The following R3HDM2 variants were observed in gnomAD, a reference collection of about 807,000 sequenced individuals.
The protein encoded by R3HDM2 is R3H domain-containing protein 2.
A neutral mutation model predicts 124.5 loss-of-function variants in R3HDM2; 38 were observed. The ratio of observed to expected loss-of-function variants is 0.31; its 90% confidence interval spans 0.24 to 0.40. The LOEUF is 0.40. Among genes scored for constraint, R3HDM2 ranks in the 10% least tolerant of loss-of-function variants. The pLI is 1.00. For missense variants in R3HDM2, 869 were observed against 1,236.9 expected (o/e 0.70, Z 4.46); for synonymous variants, 391 against 448.0 (o/e 0.87, Z 1.61).
At chr12:57,319,550 G>A (rs1344711561) in intron 2 of R3HDM2, among the ~76,000 whole-genome samples, 1 of 152,082 alleles carries the variant, frequency 6.6e-6, no homozygotes, top group Admixed American at 6.6e-5. Flanking sequence ...CCTTCTGTGC[G>A]AGTCATAAAG....
chr12:57,377,979 G>A (rs943819862), intron 2 of R3HDM2, among the ~76,000 whole-genome samples: 11 of 152,096 alleles, frequency 7.2e-5, no homozygotes, highest in African/African-American at 2.4e-4. Flanking sequence ...TCCCAGCTAC[G>A]CGGGAGGCTG....
chr12:57,256,292 G>C (rs1040943886), intron 22 of R3HDM2, 122 bp downstream of exon 22: 4 of 949,790 alleles, frequency 4.2e-6, no homozygotes, highest in Admixed American at 5.2e-5. Context: ...GTAGGGCAAG[G>C]CTCCTGCTTT....
At chr12:57,350,591 C>T (rs2060580571) in intron 2 of R3HDM2, among the ~76,000 whole-genome samples, 1 of 152,042 alleles carries the variant, frequency 6.6e-6, no homozygotes, top group South Asian at 2.1e-4. Flanking sequence ...TATGATTGTA[C>T]CACTGCACTC....
intron 2 of R3HDM2, among the ~76,000 whole-genome samples, chr12:57,385,690 C>A (rs1416039551): frequency 6.7e-6 from 1 of 148,994 alleles, no homozygotes; most frequent in African/African-American, 2.5e-5. Flanking sequence ...AGGACCCCGT[C>A]TTCAAAAAAA....
chr12:57,386,475 A>G (rs1488230271), intron 2 of R3HDM2, among the ~76,000 whole-genome samples: 2 of 152,186 alleles, frequency 1.3e-5, no homozygotes, highest in African/African-American at 4.8e-5. Context: ...GCTGTGCTCG[A>G]CTTCTTGCCG....
At chr12:57,280,229 TG>T in intron 14 of R3HDM2, 128 bp downstream of exon 14, 2 of 976,536 alleles carry the variant, frequency 2.0e-6, no homozygotes, top group Non-Finnish European at 2.9e-6. Flanking sequence ...AAATGAGAAA[TG>T]GGGGAGAGAG....
intron 2 of R3HDM2, among the ~76,000 whole-genome samples, chr12:57,342,944 T>C (rs1016623784): frequency 7.2e-5 from 11 of 152,132 alleles, no homozygotes; most frequent in Non-Finnish European, 1.5e-5. Flanking sequence ...TTCCTATTAT[T>C]TGCCCCCAAA....
Position 57,296,439 on chromosome 12 carries a change from T to C in R3HDM2, c.673A>G (p.Ile225Val), listed in dbSNP as rs758859097. 6.1e-5 allele frequency: 95 copies of C among 1,552,306 alleles called. No homozygotes were observed. The highest frequency in any genetic ancestry group is 2.7e-4 in the Admixed American group (14 of 51,006). Reference protein sequence around the residue: ...HNVDQTGKAVIINKTSNTRIP... With the variant: ...HNVDQTGKAVVINKTSNTRIP... ...CTTGTGTTACTAGTTTTGTTGATGATGACAGCTTTCCCAGTTTGATCAACA... is the reference window on the plus strand; with the variant it reads ...CTTGTGTTACTAGTTTTGTTGATGACGACAGCTTTCCCAGTTTGATCAACA... Residue 225 changes from isoleucine (I) to valine (V), a missense_variant, in exon 9 of 24, where the codon ATC becomes GTC. Ile to Val is a conservative substitution (Grantham distance 29). Coordinates refer to ENST00000402412, the MANE Select transcript of R3HDM2 (RefSeq NM_001394031.1). The surrounding 1 kb of genome is among the most constrained non-coding windows in gnomAD (Gnocchi z 4.5).
chr12:57,346,111 C>T (rs1324102149), intron 2 of R3HDM2, among the ~76,000 whole-genome samples: 4 of 146,426 alleles, frequency 2.7e-5, no homozygotes, highest in African/African-American at 5.2e-5. Context: ...GAGCCAAGAT[C>T]GTGCCATTGC....
chr12:57,390,495 C>T (rs2066504985), intron 2 of R3HDM2, among the ~76,000 whole-genome samples: 2 of 151,534 alleles, frequency 1.3e-5, no homozygotes, highest in Admixed American at 1.3e-4. Context: ...CTCAGGAGTT[C>T]AAGACCAGCT....
chr12:57,413,236 G>A (rs1344183360), intron 1 of R3HDM2, among the ~76,000 whole-genome samples: 1 of 152,010 alleles, frequency 6.6e-6, no homozygotes, highest in Non-Finnish European at 1.5e-5. Context: ...AATCTTCTGT[G>A]CAATATCCCA....
intron 1 of R3HDM2, among the ~76,000 whole-genome samples, chr12:57,420,519 C>CTT (rs759872645): frequency 1.4e-4 from 17 of 124,906 alleles, no homozygotes; most frequent in East Asian, 1.1e-3. Flanking sequence ...TACTGGTTTT[C>CTT]TTTTTTTTTT....
chr12:57,337,025 C>T (rs938144625), intron 2 of R3HDM2, among the ~76,000 whole-genome samples: 1 of 152,042 alleles, frequency 6.6e-6, no homozygotes, highest in Non-Finnish European at 1.5e-5. Flanking sequence ...TCCAAGGGAC[C>T]CACACAGCAG....
chr12:57,346,734 G>A (rs1432110701), intron 2 of R3HDM2, among the ~76,000 whole-genome samples: 2 of 152,080 alleles, frequency 1.3e-5, no homozygotes, highest in African/African-American at 4.8e-5. Flanking sequence ...AACATAAATG[G>A]TAAATATTTG....
In R3HDM2 at chr12:57,254,618, G is replaced by T; in HGVS notation, c.*155C>A. The T allele has an allele frequency of 1.5e-6, 1 of 665,038 alleles. No homozygotes were observed. The highest frequency in any genetic ancestry group is 2.4e-6 in the Non-Finnish European group (1 of 410,634). 41.2% of individuals were successfully genotyped at this position (665,038 alleles called of 1,614,324 possible). A position where few individuals can be genotyped will look rare whatever the true frequency, so the allele number is the denominator to read the frequency against. On this transcript the variant is annotated 3_prime_UTR_variant, in exon 24 of 24. Transcript: ENST00000402412. ...GAGCAAGAAGGAGTCCAATGCCAGT[G>T]TAGGTATCTGTGTTTCCATCTTCAT...
chr12:57,416,930 T>C (rs1029852976), intron 1 of R3HDM2, among the ~76,000 whole-genome samples: 1 of 151,072 alleles, frequency 6.6e-6, no homozygotes, highest in Non-Finnish European at 1.5e-5. Flanking sequence ...GCCAACATGG[T>C]GAAACCCCAT....
intron 2 of R3HDM2, among the ~76,000 whole-genome samples, chr12:57,362,167 A>G (rs1303479915): frequency 6.6e-6 from 1 of 152,102 alleles, no homozygotes; most frequent in Non-Finnish European, 1.5e-5. Context: ...ATAAATTGTG[A>G]CTATTTCTGT....
Position 57,358,925 on chromosome 12 carries a change from C to CTT in R3HDM2, c.-36+36822_-36+36823dup, listed in dbSNP as rs567382472. Among the ~76,000 whole-genome samples, 30 of 144,570 alleles carry CTT rather than the reference C, an allele frequency of 2.1e-4. No individual in the cohort carries two copies. In the South Asian group the frequency reaches 3.3e-3, roughly 16 times the overall value. 94.8% of individuals were successfully genotyped at this position (144,570 alleles called of 152,430 possible). A position where few individuals can be genotyped will look rare whatever the true frequency, so the allele number is the denominator to read the frequency against. On this transcript the variant is annotated intron_variant, in intron 2 of 23. Coordinates refer to ENST00000402412, the MANE Select transcript of R3HDM2 (RefSeq NM_001394031.1). ...CCACCATGCCTGGCTAAATTTTTTT[C>CTT]TTTTTTTTTTTTGAGGGAGTCTCGC...
rs1378672495 is a variant in R3HDM2 at position 57,254,589 on chromosome 12, AG to A, written c.*183del. 2.9e-5 allele frequency: 16 copies of A among 547,882 alleles called. No individual in the cohort carries two copies. The highest frequency in any genetic ancestry group is 4.7e-5 in the Non-Finnish European group (15 of 319,784). 33.9% of individuals were successfully genotyped at this position (547,882 alleles called of 1,614,324 possible). On this transcript the variant is annotated 3_prime_UTR_variant, in exon 24 of 24. Transcript: ENST00000402412. ...CAGGGAAAAAGAGAGGACCCATGGCAGGGGAGCAAGAAGGAGTCCAATGCCA... is the reference window on the plus strand; with the variant it reads ...CAGGGAAAAAGAGAGGACCCATGGCAGGGAGCAAGAAGGAGTCCAATGCCA...
Sources: gnomAD v4.1 joint callset for allele counts (sites outside exome capture counted in the v4.1 genomes callset) on GRCh38, gnomAD v4.1.1 for gene constraint, Gnocchi (gnomAD v3.1) non-coding constraint, MANE v1.5 for transcripts, NCBI Gene and HGNC (gene_info 2026-07-23, HGNC 2026-07-21) for gene names.